TNNI3K: variants seen among roughly 807,000 people sequenced by gnomAD.
TNNI3K encodes serine/threonine-protein kinase TNNI3K.
In TNNI3K, 140 loss-of-function variants were observed where a neutral mutation model predicts 114.5. That is an observed-to-expected ratio of 1.22 (90% confidence interval 1.07 to 1.41). The LOEUF (loss-of-function observed/expected upper bound fraction) is 1.41. TNNI3K is among the 40% of genes most tolerant of loss of function. The probability of loss-of-function intolerance (pLI) is 0.00; values close to 1 mark genes in which losing one functional copy is unlikely to be tolerated. For synonymous variants in TNNI3K, 347 were observed against 347.5 expected (o/e 1.00, Z 0.02); for missense variants, 1,125 against 1,007.6 (o/e 1.12, Z -1.58).
At chr1:74,322,095 C>A (rs1352188220) in intron 5 of TNNI3K, among the ~76,000 whole-genome samples, 2 of 152,124 alleles carry the variant, frequency 1.3e-5, no homozygotes, top group African/African-American at 4.8e-5. Context: ...TATAAGCCTT[C>A]AATACAAATG....
At chr1:74,302,240 A>T (rs1374658575) in intron 5 of TNNI3K, among the ~76,000 whole-genome samples, 1 of 152,206 alleles carries the variant, frequency 6.6e-6, no homozygotes, top group African/African-American at 2.4e-5. Context: ...TGAACTTAAT[A>T]CAAATTTTAT....
chr1:74,343,208 C>G, intron 9 of TNNI3K, 29 bp downstream of exon 9: 1 of 1,581,210 alleles, frequency 6.3e-7, no homozygotes, highest in Non-Finnish European at 8.6e-7. Flanking sequence ...GCAATAGCCA[C>G]TAAACTTAGC....
intron 17 of TNNI3K, among the ~76,000 whole-genome samples, chr1:74,417,182 G>C (rs1418574306): frequency 6.6e-6 from 1 of 152,016 alleles, no homozygotes; most frequent in Non-Finnish European, 1.5e-5. Flanking sequence ...CTTGTTCTTA[G>C]GATATATGTG....
chr1:74,367,821 G>T (rs187933438), intron 12 of TNNI3K, 87 bp from the exon 13 acceptor site: 21 of 1,296,850 alleles, frequency 1.6e-5, no homozygotes, highest in Non-Finnish European at 2.0e-5. Context: ...ACTTCGTTTC[G>T]TCACCTGCTT....
At chr1:74,421,242 A>C (rs533170185) in intron 17 of TNNI3K, among the ~76,000 whole-genome samples, 1 of 152,292 alleles carries the variant, frequency 6.6e-6, no homozygotes, top group South Asian at 2.1e-4. Flanking sequence ...AATCAAAATC[A>C]AAACCTTACT....
chr1:74,336,937 A>C (rs576592862), intron 7 of TNNI3K, among the ~76,000 whole-genome samples: 118 of 152,180 alleles, frequency 7.8e-4, no homozygotes, highest in Non-Finnish European at 1.4e-3. Flanking sequence ...TGACTTCCAC[A>C]ATGGTTGAAC....
chr1:74,369,424 T>G lies in TNNI3K; in HGVS notation c.1506T>G (p.Asp502Glu). The stretch of plus-strand genomic sequence containing the variant: ...CCAATACCTACTGCTCCAAGTCAGA[T>G]GTGGATATGTTTTGCCGAGAGGTGT... ...YRANTYCSKSDVDMFCREVSI... is the reference protein window; with the variant it reads ...YRANTYCSKSEVDMFCREVSI... Residue 502 changes from aspartate to glutamate, a missense_variant, in exon 16 of 25, where the codon GAT (aspartate) becomes GAG (glutamate). Transcript: ENST00000326637. 6.2e-7 allele frequency: 1 copy of G among 1,611,874 alleles called. No homozygotes were observed. The highest frequency in any genetic ancestry group is 1.1e-5 in the South Asian group (1 of 90,872).
intron 23 of TNNI3K, among the ~76,000 whole-genome samples, chr1:74,506,095 G>A (rs748688459): frequency 1.3e-5 from 2 of 152,122 alleles, no homozygotes; most frequent in Admixed American, 6.5e-5. Context: ...GTCCTAGGGG[G>A]ATATGATGTA....
chr1:74,358,062 T>C (rs1661755936), intron 11 of TNNI3K, among the ~76,000 whole-genome samples: 1 of 152,124 alleles, frequency 6.6e-6, no homozygotes, highest in Non-Finnish European at 1.5e-5. Flanking sequence ...AACACATAGC[T>C]CAATAGTGTG....
In TNNI3K at chr1:74,370,532, C is replaced by T. The variant is rs372841622; in HGVS notation, c.1772+140C>T. 1.5e-3 allele frequency: 885 copies of T among 571,688 alleles called. 1 individual carries two copies. Among genetic ancestry groups the T allele is most frequent in the Non-Finnish European group, 2.2e-3 (804 of 365,690 alleles). The allele number at this position is 571,688 out of a possible 1,614,324, so 35.4% of individuals were successfully genotyped here. A position where few individuals can be genotyped will look rare whatever the true frequency, so the allele number is the denominator to read the frequency against. On this transcript the variant is annotated intron_variant, in intron 17 of 24. Transcript: ENST00000326637. ...GAGGACAGGCTACCATAAGCTTAGG[C>T]GATAGAAAGTTTTGTCATTGTCTTT...
At chr1:74,250,810 A>C (rs756404778) in intron 4 of TNNI3K, 41 bp downstream of exon 4, 1 of 1,376,942 alleles carries the variant, frequency 7.3e-7, no homozygotes, top group Non-Finnish European at 9.9e-7. Context: ...ATTGGAACTA[A>C]GGATAGTGTG....
At chr1:74,471,777 C>T in intron 21 of TNNI3K, 1 of 420,094 alleles carries the variant, frequency 2.4e-6, no homozygotes, top group Non-Finnish European at 4.2e-6. Context: ...TGTCCTCACT[C>T]ATAAGAAATT....
intron 17 of TNNI3K, among the ~76,000 whole-genome samples, chr1:74,403,361 C>A (rs1411629569): frequency 6.6e-6 from 1 of 152,104 alleles, no homozygotes; most frequent in East Asian, 1.9e-4. Flanking sequence ...AACTTATAAA[C>A]ATCAAGCTTG....
intron 9 of TNNI3K, among the ~76,000 whole-genome samples, chr1:74,346,982 A>G (rs1661033237): frequency 1.3e-5 from 2 of 150,720 alleles, no homozygotes; most frequent in Admixed American, 1.3e-4. Context: ...TTAAATACCT[A>G]TTTATTTATT....
At chr1:74,436,449 G>C (rs748056526) in intron 18 of TNNI3K, 25 bp from the exon 19 acceptor site, 1 of 1,562,614 alleles carries the variant, frequency 6.4e-7, no homozygotes, top group Non-Finnish European at 8.6e-7. Flanking sequence ...TTCCTTTGAC[G>C]TGATTTATTT....
chr1:74,542,943 T>C (rs1646742841), intron 24 of TNNI3K, among the ~76,000 whole-genome samples: 1 of 152,104 alleles, frequency 6.6e-6, no homozygotes, highest in Non-Finnish European at 1.5e-5. Flanking sequence ...ATGCCACTGG[T>C]ATTTAGACCT....
chr1:74,286,786 T>A (rs1456061034), intron 5 of TNNI3K, among the ~76,000 whole-genome samples: 1 of 152,032 alleles, frequency 6.6e-6, no homozygotes, highest in Non-Finnish European at 1.5e-5. Flanking sequence ...CTGGAAGAAG[T>A]GTCTACTTCA....
intron 5 of TNNI3K, among the ~76,000 whole-genome samples, chr1:74,294,247 C>G (rs1022763204): frequency 5.3e-5 from 8 of 151,898 alleles, no homozygotes; most frequent in Non-Finnish European, 1.2e-4. Context: ...ACCCTGGCCT[C>G]ATAGAACAAA....
intron 17 of TNNI3K, among the ~76,000 whole-genome samples, chr1:74,405,455 T>A (rs779642384): frequency 6.6e-6 from 1 of 152,162 alleles, no homozygotes. Flanking sequence ...AATAAACTAG[T>A]CTTAGGTGAT....
Sources: allele counts gnomAD v4.1 joint callset (sites outside exome capture counted in the v4.1 genomes callset), GRCh38; gene constraint gnomAD v4.1.1; transcripts MANE v1.5; gene names NCBI Gene and HGNC (gene_info 2026-07-23, HGNC 2026-07-21).